The following CPNE8 variants were observed in gnomAD, a reference collection of about 807,000 sequenced individuals.
CPNE8 encodes the protein copine 8, also known as copine-8.
A neutral mutation model predicts 81.5 loss-of-function variants in CPNE8; 45 were observed. The ratio of observed to expected loss-of-function variants is 0.55; its 90% CI spans 0.44 to 0.71. CPNE8 has a LOEUF of 0.71. Ranked by LOEUF, CPNE8 falls within the 30% of genes least tolerant of loss-of-function variation. The pLI, the probability that CPNE8 is intolerant of heterozygous loss-of-function variation, is 0.00. For missense variants in CPNE8, 594 were observed against 672.1 expected, an observed-to-expected ratio of 0.88 and a Z score of 1.28; for synonymous variants, 252 against 226.3, an observed-to-expected ratio of 1.11 and a Z score of -1.02.
chr12:38,807,619 TTA>T (rs1486660128), intron 6 of CPNE8, among the ~76,000 whole-genome samples: 1 of 151,684 alleles, frequency 6.6e-6, no homozygotes, highest in Non-Finnish European at 1.5e-5. Context: ...GATTAAAGAC[TTA>T]AACGTTAGAC....
At chr12:38,728,966 C>T (rs1043184045) in intron 11 of CPNE8, among the ~76,000 whole-genome samples, 1 of 152,112 alleles carries the variant, frequency 6.6e-6, no homozygotes, top group African/African-American at 2.4e-5. Context: ...TATTAAGCTT[C>T]TTTGTCATCT....
intron 1 of CPNE8, among the ~76,000 whole-genome samples, chr12:38,898,375 A>C (rs1944416065): frequency 6.6e-6 from 1 of 152,174 alleles, no homozygotes; most frequent in African/African-American, 2.4e-5. Context: ...GAAAGTTCCC[A>C]GGACAAATTT....
upstream of CPNE8, chr12:38,905,991 C>G: frequency 1.0e-6 from 1 of 985,426 alleles, no homozygotes; most frequent in Non-Finnish European, 1.2e-6. Flanking sequence ...ACACTCGCCT[C>G]CTGGGCCGCG....
At chr12:38,891,078 C>T (rs572677007) in intron 1 of CPNE8, among the ~76,000 whole-genome samples, 34 of 151,942 alleles carry the variant, frequency 2.2e-4, no homozygotes, top group East Asian at 1.2e-3. Flanking sequence ...TATGGGCACC[C>T]ACCACCATAC....
intron 10 of CPNE8, among the ~76,000 whole-genome samples, chr12:38,760,430 G>GGT (rs1187317141): frequency 0.02 from 610 of 31,118 alleles, 10 homozygotes; most frequent in African/African-American, 0.077. Context: ...TTTGTTGTAT[G>GGT]GTGTGTATAT....
intron 7 of CPNE8, among the ~76,000 whole-genome samples, chr12:38,773,955 T>G (rs1324276084): frequency 6.6e-6 from 1 of 152,078 alleles, no homozygotes; most frequent in African/African-American, 2.4e-5. Flanking sequence ...TAAACAATAT[T>G]GATAAAAATA....
At chr12:38,875,852 C>G (rs1159426130) in intron 1 of CPNE8, among the ~76,000 whole-genome samples, 1 of 152,166 alleles carries the variant, frequency 6.6e-6, no homozygotes, top group Non-Finnish European at 1.5e-5. Flanking sequence ...CACCATGACT[C>G]CAGCAACGGT....
chr12:38,775,019 T>C (rs2136887652), intron 7 of CPNE8, among the ~76,000 whole-genome samples: 1 of 152,348 alleles, frequency 6.6e-6, no homozygotes, highest in East Asian at 1.9e-4. Context: ...TCAGCTGTAA[T>C]ACCCAGTTTC....
chr12:38,676,314 C>T (rs1276903571), intron 17 of CPNE8: 18 of 984,608 alleles, frequency 1.8e-5, no homozygotes, highest in South Asian at 9.4e-5. Flanking sequence ...GGACATTCTT[C>T]GGAAATGACC....
At chr12:38,891,243 A>G (rs1944310874) in intron 1 of CPNE8, among the ~76,000 whole-genome samples, 2 of 151,922 alleles carry the variant, frequency 1.3e-5, no homozygotes, top group African/African-American at 4.8e-5. Flanking sequence ...ATTATCCGTC[A>G]ATATTTAGAA....
intron 1 of CPNE8, among the ~76,000 whole-genome samples, chr12:38,877,581 G>A (rs1461286603): frequency 1.3e-5 from 2 of 151,836 alleles, no homozygotes; most frequent in African/African-American, 4.8e-5. Flanking sequence ...TAGAAATTTT[G>A]GAAAAATACA....
At chr12:38,723,743 C>T in intron 13 of CPNE8, 29 bp downstream of exon 13, 1 of 1,425,308 alleles carries the variant, frequency 7.0e-7, no homozygotes, top group Non-Finnish European at 9.9e-7. Context: ...AATGCCTAAG[C>T]AACGAAACAA....
chr12:38,808,158 CT>C (rs1942857463), intron 6 of CPNE8, among the ~76,000 whole-genome samples: 1 of 152,060 alleles, frequency 6.6e-6, no homozygotes, highest in African/African-American at 2.4e-5. Flanking sequence ...GTTGGTGGGA[CT>C]GTAAACTAGT....
At chr12:38,792,730 T>C (rs890766817) in intron 6 of CPNE8, among the ~76,000 whole-genome samples, 6 of 151,750 alleles carry the variant, frequency 4.0e-5, no homozygotes, top group South Asian at 2.1e-4. Context: ...GTTCATTCTA[T>C]GGAAATCAGA....
At chr12:38,739,279 A>C (rs1592051573) in intron 10 of CPNE8, among the ~76,000 whole-genome samples, 1 of 152,202 alleles carries the variant, frequency 6.6e-6, no homozygotes, top group Non-Finnish European at 1.5e-5. Flanking sequence ...AGTTCACCTC[A>C]TAAAAGACTT....
chr12:38,678,363 G>T (rs1278872482), intron 16 of CPNE8, among the ~76,000 whole-genome samples: 2 of 151,680 alleles, frequency 1.3e-5, no homozygotes, highest in African/African-American at 4.8e-5. Flanking sequence ...TTTTCCTTTA[G>T]TTTTCTACAT....
chr12:38,726,750 T>C (rs928103668), intron 11 of CPNE8, among the ~76,000 whole-genome samples: 8 of 152,152 alleles, frequency 5.3e-5, no homozygotes, highest in Admixed American at 5.2e-4. Flanking sequence ...TTAGAAGAGG[T>C]TTTTCCTAAA....
At chr12:38,746,200 A>AC (rs958761434) in intron 10 of CPNE8, among the ~76,000 whole-genome samples, 4 of 152,110 alleles carry the variant, frequency 2.6e-5, no homozygotes, top group African/African-American at 9.7e-5. Flanking sequence ...TTAAAAAAAA[A>AC]CCCTTTTGAA....
chr12:38,795,167 G>C (rs896594033), intron 6 of CPNE8, among the ~76,000 whole-genome samples: 3 of 152,132 alleles, frequency 2.0e-5, no homozygotes, highest in Non-Finnish European at 4.4e-5. Flanking sequence ...GCTGCTACTA[G>C]CTTCCTTGCT....
Sources: allele counts gnomAD v4.1 joint callset (sites outside exome capture counted in the v4.1 genomes callset), GRCh38; gene constraint gnomAD v4.1.1; transcripts MANE v1.5; gene names NCBI Gene and HGNC (gene_info 2026-07-23, HGNC 2026-07-21).